The following PITPNC1 variants were observed in gnomAD, a reference collection of about 807,000 sequenced individuals.
PITPNC1 encodes phosphatidylinositol transfer protein cytoplasmic 1, also known as cytoplasmic phosphatidylinositol transfer protein 1.
PITPNC1 carries 18 observed loss-of-function variants against 44.7 expected under a neutral mutation model. The ratio of observed to expected loss-of-function variants is 0.40; its 90% CI spans 0.28 to 0.60. The LOEUF (loss-of-function observed/expected upper bound fraction) is 0.60, where lower values mean the gene tolerates loss of function less well. PITPNC1 is among the 20% of genes least tolerant of loss of function. The pLI, the probability that PITPNC1 is intolerant of heterozygous loss-of-function variation, is 0.39. For missense variants in PITPNC1, 290 were observed against 418.4 expected (o/e 0.69, Z 2.68); for synonymous variants, 141 against 149.6 (o/e 0.94, Z 0.42).
intron 6 of PITPNC1, among the ~76,000 whole-genome samples, chr17:67,639,832 G>T (rs1440022314): frequency 6.6e-6 from 1 of 152,162 alleles, no homozygotes; most frequent in Non-Finnish European, 1.5e-5. Context: ...GTTTGCTAAG[G>T]ACCGGCCCTC....
intron 1 of PITPNC1, among the ~76,000 whole-genome samples, chr17:67,513,487 G>GTT (rs1442010835): frequency 3.7e-5 from 5 of 136,932 alleles, no homozygotes; most frequent in African/African-American, 1.2e-4. Context: ...ATGTGTGTGT[G>GTT]TGTATATATA....
At position 67,676,132 on chromosome 17, in the gene PITPNC1, G is replaced by A. The variant is rs1001029699; in HGVS notation, c.682+590G>A. Among the ~76,000 whole-genome samples the A allele has an allele frequency of 1.3e-5, 2 of 151,862 alleles. No homozygotes were observed. Among genetic ancestry groups the A allele is most frequent in the African/African-American group, 4.8e-5 (2 of 41,342 alleles). On this transcript the variant is annotated intron_variant, in intron 8 of 8. Coordinates refer to ENST00000581322, the MANE Select transcript of PITPNC1 (RefSeq NM_012417.4). This position sits in a 1 kb window ranked among gnomAD's most constrained non-coding sequence, Gnocchi z 4.0. ...TGAGGCAGGAGAATGGCATGAACCTGGGAGGCGGAGTTTGCAGTGAGCCGA... is the reference window on the plus strand; with the variant it reads ...TGAGGCAGGAGAATGGCATGAACCTAGGAGGCGGAGTTTGCAGTGAGCCGA...
At chr17:67,437,151 C>T (rs2143911630) in intron 1 of PITPNC1, among the ~76,000 whole-genome samples, 1 of 151,988 alleles carries the variant, frequency 6.6e-6, no homozygotes, top group East Asian at 1.9e-4. Context: ...AACTCCTAGA[C>T]TCAAGTAATC....
intron 1 of PITPNC1, among the ~76,000 whole-genome samples, chr17:67,455,562 G>C (rs534565848): frequency 2.6e-4 from 40 of 152,140 alleles, no homozygotes; most frequent in African/African-American, 9.4e-4. Context: ...TGAGGTTACA[G>C]GTGCGCACCA....
intron 5 of PITPNC1, among the ~76,000 whole-genome samples, chr17:67,589,504 G>A (rs1220852448): frequency 4.6e-5 from 7 of 151,864 alleles, no homozygotes; most frequent in Non-Finnish European, 1.5e-5. Context: ...AAGACCTGGT[G>A]CTGAATCATG....
chr17:67,550,588 C>G (rs1473841859), intron 2 of PITPNC1, among the ~76,000 whole-genome samples: 1 of 152,012 alleles, frequency 6.6e-6, no homozygotes, highest in Non-Finnish European at 1.5e-5. Context: ...AAAACCGCTT[C>G]TTGATGTTTC....
chr17:67,394,213 A>C (rs989874648), intron 1 of PITPNC1, among the ~76,000 whole-genome samples: 1 of 152,038 alleles, frequency 6.6e-6, no homozygotes, highest in Non-Finnish European at 1.5e-5. Context: ...ATCACAGAAG[A>C]GATGAGGGTC....
intron 1 of PITPNC1, among the ~76,000 whole-genome samples, chr17:67,392,836 A>G (rs2038158439): frequency 6.6e-6 from 1 of 152,070 alleles, no homozygotes; most frequent in Non-Finnish European, 1.5e-5. Flanking sequence ...ATGTGTTAAA[A>G]TGGCTGGGTG....
Position 67,474,455 on chromosome 17 carries a change from G to A in PITPNC1, c.49-58347G>A, listed in dbSNP as rs1200757716. Among the ~76,000 whole-genome samples the A allele has an allele frequency of 4.6e-5, 7 of 152,184 alleles. No homozygotes were observed. In the East Asian group the frequency reaches 5.8e-4, roughly 13 times the overall value. On this transcript the variant is annotated intron_variant, in intron 1 of 8. Transcript: ENST00000581322. ...CAGATAATTCATTGTTGTGGGAGCC[G>A]TCTTGTGCATTGCAGGCTGTGTCGC...
chr17:67,527,383 C>T (rs1232125211), intron 1 of PITPNC1, among the ~76,000 whole-genome samples: 2 of 152,208 alleles, frequency 1.3e-5, no homozygotes, highest in African/African-American at 2.4e-5. Context: ...TGTCAATACT[C>T]ACTTGTCTGA....
chr17:67,650,059 G>T (rs1188230660), intron 6 of PITPNC1, among the ~76,000 whole-genome samples: 16 of 152,086 alleles, frequency 1.1e-4, no homozygotes, highest in African/African-American at 3.9e-4. Context: ...TAATCACCTG[G>T]TGTTTCTGGT....
At chr17:67,527,810 A>G (rs1046077113) in intron 1 of PITPNC1, among the ~76,000 whole-genome samples, 13 of 152,126 alleles carry the variant, frequency 8.5e-5, no homozygotes, top group African/African-American at 2.9e-4. Context: ...TTGGAGACTA[A>G]CATAATGAGA....
rs191057425 is a variant in PITPNC1 at position 67,594,096 on chromosome 17, A to G, written c.366+15839A>G. Among the ~76,000 whole-genome samples, 3 of 152,302 alleles carry G rather than the reference A, an allele frequency of 2.0e-5. No individual in the cohort carries two copies. The East Asian group carries it at 5.8e-4, about 29-fold the overall frequency. On this transcript the variant is annotated intron_variant, in intron 5 of 8. Transcript: ENST00000581322. ...TAGCAGCTGGTCAGGCCCAGTTAGT[A>G]GGATTCTGTACTAGAATCAGAGAAA...
At chr17:67,642,639 A>C (rs1246879522) in intron 6 of PITPNC1, among the ~76,000 whole-genome samples, 1 of 152,136 alleles carries the variant, frequency 6.6e-6, no homozygotes, top group African/African-American at 2.4e-5. Context: ...GTTCTTTTTC[A>C]GACCTCATTC....
At chr17:67,379,092 C>T (rs1015289148) in intron 1 of PITPNC1, 52 of 985,858 alleles carry the variant, frequency 5.3e-5, no homozygotes, top group East Asian at 1.1e-4. Context: ...CTTCTTCCTC[C>T]CCACCTTTGT....
chr17:67,590,714 G>T lies in PITPNC1; in HGVS notation c.366+12457G>T, dbSNP rs551931399. On this transcript the variant is annotated intron_variant, in intron 5 of 8. Transcript: ENST00000581322. ...ACAGTGGCTCACACCTGTAATCCCA[G>T]CACTTTAGCAGGCCGAGGTGGGTGG... 1.4e-4 allele frequency among the ~76,000 whole-genome samples: 22 copies of T among 152,292 alleles called. No individual in the cohort carries two copies. In the East Asian group the frequency reaches 4.1e-3, roughly 28 times the overall value.
At chr17:67,520,155 T>C (rs1568024284) in intron 1 of PITPNC1, among the ~76,000 whole-genome samples, 1 of 152,086 alleles carries the variant, frequency 6.6e-6, no homozygotes, top group African/African-American at 2.4e-5. Context: ...TCATGAAGGG[T>C]TGATGGGTGC....
chr17:67,619,249 T>C (rs527472692), intron 5 of PITPNC1, among the ~76,000 whole-genome samples: 54 of 152,284 alleles, frequency 3.5e-4, no homozygotes, highest in South Asian at 3.5e-3. Flanking sequence ...GGAATGACCA[T>C]GATGCTGAAT....
intron 1 of PITPNC1, among the ~76,000 whole-genome samples, chr17:67,452,519 T>G (rs1431551279): frequency 2.0e-5 from 3 of 150,886 alleles, no homozygotes; most frequent in Non-Finnish European, 3.0e-5. Flanking sequence ...TGCTGGGGTT[T>G]TTTTTTTTTT....
Sources: gnomAD v4.1 joint callset for allele counts (sites outside exome capture counted in the v4.1 genomes callset) on GRCh38, gnomAD v4.1.1 for gene constraint, Gnocchi (gnomAD v3.1) non-coding constraint, MANE v1.5 for transcripts, NCBI Gene and HGNC (gene_info 2026-07-23, HGNC 2026-07-21) for gene names.